Variants in INPP4B observed in about 807,000 individuals in gnomAD.
The protein encoded by INPP4B is inositol polyphosphate 4-phosphatase type II.
In INPP4B, 55 loss-of-function variants were observed where a neutral mutation model predicts 122.5. The ratio of observed to expected loss-of-function variants is 0.45; its 90% CI spans 0.36 to 0.56. The LOEUF is 0.56. Among genes scored for constraint, INPP4B ranks in the 20% least tolerant of loss-of-function variants. The probability of loss-of-function intolerance (pLI) is 0.00; values close to 1 mark genes in which losing one functional copy is unlikely to be tolerated. For synonymous variants in INPP4B, 403 were observed against 388.7 expected (o/e 1.04, Z -0.43); for missense variants, 1,000 against 1,097.7 (o/e 0.91, Z 1.26).
rs1310202450 is a variant in INPP4B, at chr4:142,737,202, C to T, written c.-253-11301G>A. On this transcript the variant is annotated intron_variant, in intron 1 of 25. Transcript: ENST00000262992. ...AAGCTGGAGGCATCAGGCTACCTGA[C>T]TTCAAACTATACTACAAGGCTACAG... Among the ~76,000 whole-genome samples, 8 of 152,308 alleles carry T rather than the reference C, an allele frequency of 5.3e-5. 1 individual carries two copies. The highest frequency in any genetic ancestry group is 1.9e-4 in the African/African-American group (8 of 41,568).
chr4:142,180,507 G>A (rs1579193108), intron 15 of INPP4B, among the ~76,000 whole-genome samples: 1 of 152,192 alleles, frequency 6.6e-6, no homozygotes, highest in South Asian at 2.1e-4. Context: ...TATGGGCCTA[G>A]CATTACGTTA....
chr4:142,525,268 G>A (rs2149951942), intron 2 of INPP4B, among the ~76,000 whole-genome samples: 2 of 151,848 alleles, frequency 1.3e-5, no homozygotes, highest in East Asian at 3.9e-4. Context: ...AACATTCCAT[G>A]CTCATGGGTA....
At chr4:142,783,984 CT>C (rs1554009305) in intron 1 of INPP4B, among the ~76,000 whole-genome samples, 2 of 152,150 alleles carry the variant, frequency 1.3e-5, no homozygotes, top group Non-Finnish European at 2.9e-5. Flanking sequence ...ATGCCAGAGA[CT>C]TTTGGTTTCA....
chr4:142,676,706 T>C (rs1580688313), intron 2 of INPP4B, among the ~76,000 whole-genome samples: 1 of 152,238 alleles, frequency 6.6e-6, no homozygotes, highest in South Asian at 2.1e-4. Context: ...AACCATCTGA[T>C]CTTTGAGAAA....
chr4:142,462,828 A>G (rs749085193), intron 2 of INPP4B, 102 bp from the exon 3 acceptor site: 6 of 152,218 alleles, frequency 3.9e-5, no homozygotes, highest in Non-Finnish European at 8.8e-5. Context: ...TATAATGCCC[A>G]TCATTCAAAC....
At chr4:142,369,615 TAAAAATAAAAAAATAAAAA>T (rs1789010979) in intron 7 of INPP4B, among the ~76,000 whole-genome samples, 1 of 143,432 alleles carries the variant, frequency 7.0e-6, no homozygotes, top group Non-Finnish European at 1.5e-5. Flanking sequence ...AATAAATAAA[TAAAAATAAAAAAATAAAAA>T]AAATAAAAAA....
chr4:142,241,410 A>G (rs572132322), intron 11 of INPP4B, among the ~76,000 whole-genome samples: 96 of 152,216 alleles, frequency 6.3e-4, no homozygotes, highest in African/African-American at 2.2e-3. Flanking sequence ...ACCCCTTGAG[A>G]TCCACCCCTT....
intron 25 of INPP4B, among the ~76,000 whole-genome samples, chr4:142,055,827 G>A (rs1004537002): frequency 4.0e-5 from 6 of 151,882 alleles, no homozygotes; most frequent in East Asian, 3.9e-4. Context: ...GGGTGGGGGC[G>A]ATGGTTTAGG....
intron 25 of INPP4B, among the ~76,000 whole-genome samples, chr4:142,071,098 T>C (rs1766995343): frequency 6.6e-6 from 1 of 152,150 alleles, no homozygotes; most frequent in African/African-American, 2.4e-5. Flanking sequence ...ACTACAAGGC[T>C]ACAGTAACCA....
At chr4:142,553,053 C>T (rs1017192691) in intron 2 of INPP4B, among the ~76,000 whole-genome samples, 1 of 152,124 alleles carries the variant, frequency 6.6e-6, no homozygotes, top group African/African-American at 2.4e-5. Context: ...CTAAGTATTA[C>T]CCTATTATCT....
chr4:142,571,446 A>G (rs1259916488), intron 2 of INPP4B, among the ~76,000 whole-genome samples: 2 of 152,172 alleles, frequency 1.3e-5, no homozygotes, highest in Non-Finnish European at 1.5e-5. Flanking sequence ...CATTATTCAC[A>G]TATACTGATT....
At chr4:142,411,726 T>C (rs1486061762) in intron 5 of INPP4B, among the ~76,000 whole-genome samples, 1 of 152,038 alleles carries the variant, frequency 6.6e-6, no homozygotes, top group African/African-American at 2.4e-5. Context: ...ACTCCATCTC[T>C]ACAAAAAATA....
chr4:142,147,067 A>G (rs772835026), intron 17 of INPP4B, among the ~76,000 whole-genome samples: 1 of 152,050 alleles, frequency 6.6e-6, no homozygotes, highest in Non-Finnish European at 1.5e-5. Context: ...ATTGACTCCT[A>G]ATTTCTCTCT....
rs1391259674 is a variant in INPP4B, at chr4:142,642,444, A to G, written c.-191+83395T>C. Among the ~76,000 whole-genome samples the G allele has an allele frequency of 1.2e-4, 18 of 152,260 alleles. No individual in the cohort carries two copies. The South Asian group carries it at 1.2e-3, about 11-fold the overall frequency. ...TAATCCATCTTGAATTAATTTTTGT[A>G]TAAGGTATAAGGAAGGGATCCAGTT... On this transcript the variant is annotated intron_variant, in intron 2 of 25. Transcript: ENST00000262992.
intron 2 of INPP4B, among the ~76,000 whole-genome samples, chr4:142,465,213 G>A (rs764894721): frequency 4.6e-5 from 7 of 152,184 alleles, no homozygotes; most frequent in Non-Finnish European, 1.0e-4. Flanking sequence ...AAGATCAACT[G>A]TCCTATGTGA....
chr4:142,631,358 C>A (rs1024485167), intron 2 of INPP4B, among the ~76,000 whole-genome samples: 4 of 151,824 alleles, frequency 2.6e-5, no homozygotes, highest in Non-Finnish European at 5.9e-5. Context: ...TATTTGGTAA[C>A]CCTGAAAATG....
intron 1 of INPP4B, among the ~76,000 whole-genome samples, chr4:142,753,428 T>C (rs890226970): frequency 3.3e-5 from 5 of 152,080 alleles, no homozygotes; most frequent in African/African-American, 4.8e-5. Context: ...GAAGCCAAAA[T>C]TGATTTGTTG....
intron 1 of INPP4B, among the ~76,000 whole-genome samples, chr4:142,791,211 A>C (rs1286795000): frequency 6.6e-6 from 1 of 152,138 alleles, no homozygotes; most frequent in East Asian, 1.9e-4. Flanking sequence ...TGGTTTTATC[A>C]CCAAAGCTTA....
At chr4:142,184,515 A>T (rs1832300185) in intron 15 of INPP4B, among the ~76,000 whole-genome samples, 1 of 152,106 alleles carries the variant, frequency 6.6e-6, no homozygotes, top group African/African-American at 2.4e-5. Context: ...AGGCATAGTC[A>T]TTGGTTCTTC....
Sources: allele counts gnomAD v4.1 joint callset (sites outside exome capture counted in the v4.1 genomes callset), GRCh38; gene constraint gnomAD v4.1.1; transcripts MANE v1.5; gene names NCBI Gene and HGNC (gene_info 2026-07-23, HGNC 2026-07-21).